Variants in DTNB observed in about 807,000 individuals in gnomAD.
DTNB encodes the protein DTN-B.
Under a neutral mutation model 90.7 loss-of-function variants are expected in DTNB, and 63 were observed. The ratio of observed to expected loss-of-function variants is 0.69; its 90% CI spans 0.57 to 0.86. The LOEUF (loss-of-function observed/expected upper bound fraction) is 0.86, where lower values mean the gene tolerates loss of function less well. DTNB is among the 40% of genes least tolerant of loss of function. The probability of loss-of-function intolerance (pLI) is 0.00; values close to 1 mark genes in which losing one functional copy is unlikely to be tolerated. For missense variants in DTNB, 744 were observed against 807.1 expected (o/e 0.92, Z 0.95); for synonymous variants, 277 against 286.7 (o/e 0.97, Z 0.34).
At chr2:25,660,109 C>T (rs908082739) in intron 1 of DTNB, among the ~76,000 whole-genome samples, 3 of 152,130 alleles carry the variant, frequency 2.0e-5, no homozygotes, top group East Asian at 3.8e-4. Context: ...CACTTATGGT[C>T]ATCTGATTTT....
Position 25,452,437 on chromosome 2 carries a change from T to C in DTNB, c.1170-802A>G, listed in dbSNP as rs141960486. Among the ~76,000 whole-genome samples the C allele has an allele frequency of 1.2e-4, 19 of 152,314 alleles. No individual in the cohort carries two copies. The East Asian group carries it at 3.7e-3, about 29-fold the overall frequency. ...GACAGTCCTAGATTAATAGGGACTG[T>C]GGCTATATAATTCTCTGTTTAGGAC... On this transcript the variant is annotated intron_variant, in intron 11 of 20. Coordinates refer to ENST00000406818, the MANE Select transcript of DTNB (RefSeq NM_021907.5).
intron 10 of DTNB, among the ~76,000 whole-genome samples, chr2:25,479,139 T>C (rs1477898411): frequency 6.6e-6 from 1 of 152,252 alleles, no homozygotes; most frequent in Non-Finnish European, 1.5e-5. Flanking sequence ...AGTTGCATAC[T>C]GAAGGCTTTT....
At chr2:25,555,120 C>A (rs2057060717) in intron 8 of DTNB, among the ~76,000 whole-genome samples, 2 of 151,664 alleles carry the variant, frequency 1.3e-5, no homozygotes. Flanking sequence ...CACGATGAAA[C>A]CCTGTCTCTA....
chr2:25,378,774 C>A (rs1045092117), intron 20 of DTNB, among the ~76,000 whole-genome samples: 1 of 152,162 alleles, frequency 6.6e-6, no homozygotes, highest in East Asian at 1.9e-4. Flanking sequence ...GCAGCTTGGC[C>A]GGGCACCATG....
chr2:25,391,797 A>G (rs543425598), intron 16 of DTNB, among the ~76,000 whole-genome samples: 2 of 152,370 alleles, frequency 1.3e-5, no homozygotes, highest in Admixed American at 1.3e-4. Flanking sequence ...ATACATGGAA[A>G]TTAAATAATC....
At position 25,623,630 on chromosome 2, in the gene DTNB, C is replaced by T. The variant is rs148135551; in HGVS notation, c.362+4541G>A. 8.6e-4 allele frequency among the ~76,000 whole-genome samples: 131 copies of T among 152,298 alleles called. 1 individual carries two copies. Among genetic ancestry groups the T allele is most frequent in the African/African-American group, 3.0e-3 (123 of 41,570 alleles). On this transcript the variant is annotated intron_variant, in intron 4 of 20. Transcript: ENST00000406818. ...TCCAGGCACCTGGAAGAAGCAAACA[C>T]ACATCCTTTCTTGAAGAAAACATCA...
At chr2:25,517,979 CAT>C (rs2075406679) in intron 9 of DTNB, among the ~76,000 whole-genome samples, 1 of 152,076 alleles carries the variant, frequency 6.6e-6, no homozygotes, top group Non-Finnish European at 1.5e-5. Context: ...AGACAAATAC[CAT>C]ATGATTCCAC....
chr2:25,519,922 C>T (rs2075841024), intron 9 of DTNB, among the ~76,000 whole-genome samples: 1 of 152,046 alleles, frequency 6.6e-6, no homozygotes, highest in African/African-American at 2.4e-5. Context: ...CTCTAGTCTC[C>T]CATCAAAAGA....
chr2:25,532,285 C>T (rs915093099), intron 8 of DTNB, among the ~76,000 whole-genome samples: 8 of 149,404 alleles, frequency 5.4e-5, no homozygotes, highest in African/African-American at 1.7e-4. Context: ...TGATGGGCTA[C>T]GATACTAAAA....
rs11395783 is a variant in DTNB at position 25,408,538 on chromosome 2, C to CAAAA, written c.1575+10973_1575+10976dup. Reference sequence around the variant, plus strand: ...TGGACACCAGAGTGAGACTCCATCTCAAAAAAAAAAAAAAAAAAAAAAAAA... The same window carrying CAAAA: ...TGGACACCAGAGTGAGACTCCATCTCAAAAAAAAAAAAAAAAAAAAAAAAAAAAA... On this transcript the variant is annotated intron_variant, in intron 16 of 20. Transcript: ENST00000406818. 2.1e-3 allele frequency among the ~76,000 whole-genome samples: 70 copies of CAAAA among 32,720 alleles called. 5 individuals are homozygous for CAAAA. The highest frequency in any genetic ancestry group is 3.2e-3 in the Non-Finnish European group (50 of 15,642). 21.5% of individuals were successfully genotyped at this position (32,720 alleles called of 152,430 possible).
chr2:25,505,168 G>A (rs922697065), intron 9 of DTNB, among the ~76,000 whole-genome samples: 2 of 152,066 alleles, frequency 1.3e-5, no homozygotes, highest in Admixed American at 1.3e-4. Context: ...TGGCATCCAC[G>A]TCACTGCTAT....
intron 6 of DTNB, among the ~76,000 whole-genome samples, chr2:25,594,534 T>C (rs1439112518): frequency 6.6e-6 from 1 of 152,348 alleles, no homozygotes. Context: ...TAAAGAAGTA[T>C]GTAGGTGGGG....
chr2:25,443,445 C>T (rs1335501597), intron 12 of DTNB, among the ~76,000 whole-genome samples: 1 of 152,140 alleles, frequency 6.6e-6, no homozygotes, highest in Admixed American at 6.6e-5. Context: ...GTTATAAAAC[C>T]AAGGGATGCC....
intron 8 of DTNB, among the ~76,000 whole-genome samples, chr2:25,545,944 C>A (rs993020330): frequency 1.3e-5 from 2 of 152,138 alleles, no homozygotes; most frequent in Non-Finnish European, 2.9e-5. Context: ...TTTTAACTTG[C>A]GAACCCTGAA....
At chr2:25,505,803 C>T (rs1396232063) in intron 9 of DTNB, among the ~76,000 whole-genome samples, 6 of 152,152 alleles carry the variant, frequency 3.9e-5, no homozygotes, top group Admixed American at 6.5e-5. Flanking sequence ...GCATCTTTGA[C>T]GTCAATGTCT....
intron 2 of DTNB, among the ~76,000 whole-genome samples, chr2:25,646,409 T>C (rs1034426094): frequency 1.3e-5 from 2 of 151,786 alleles, no homozygotes; most frequent in Non-Finnish European, 2.9e-5. Flanking sequence ...GAGGCGGAGA[T>C]TGCAGTGAGC....
chr2:25,658,683 T>C (rs2082542775), intron 1 of DTNB, among the ~76,000 whole-genome samples: 1 of 152,240 alleles, frequency 6.6e-6, no homozygotes, highest in African/African-American at 2.4e-5. Context: ...ACATACTGTA[T>C]GACTCCAATT....
intron 16 of DTNB, among the ~76,000 whole-genome samples, chr2:25,410,214 G>A (rs1197491981): frequency 6.6e-6 from 1 of 152,120 alleles, no homozygotes; most frequent in African/African-American, 2.4e-5. Flanking sequence ...CCTGAAGGAT[G>A]GTTTTCATAT....
intron 8 of DTNB, 68 bp downstream of exon 8, chr2:25,576,770 G>T: frequency 6.8e-7 from 1 of 1,463,326 alleles, no homozygotes; most frequent in Non-Finnish European, 9.1e-7. Context: ...TGAGGAAACT[G>T]GCCCAGGTGC....
Sources: allele counts gnomAD v4.1 joint callset (sites outside exome capture counted in the v4.1 genomes callset), GRCh38; gene constraint gnomAD v4.1.1; transcripts MANE v1.5; gene names NCBI Gene and HGNC (gene_info 2026-07-23, HGNC 2026-07-21).